The following ATM variants were observed in gnomAD, a reference collection of about 807,000 sequenced individuals.
ATM encodes the protein serine-protein kinase ATM.
In ATM, 308 loss-of-function variants were observed where a neutral mutation model predicts 387.0. That is an observed-to-expected ratio of 0.80 (90% CI 0.73 to 0.87). ATM has a LOEUF of 0.87. ATM is among the 40% of genes least tolerant of loss of function. The pLI, the probability that ATM is intolerant of heterozygous loss-of-function variation, is 0.00. For synonymous variants in ATM, 1,156 were observed against 1,187.3 expected (o/e 0.97, Z 0.54); for missense variants, 3,312 against 3,560.9 (o/e 0.93, Z 1.78).
chr11:108,292,622 T>G lies in ATM; in HGVS notation c.4440T>G (p.Pro1480=). ...TTTTTTTTTCTCCCTATATTAGGCC[T>G]TCTTGTATCATGGATGTGTCATTAC... ...YTLIHYINQR[P]SCIMDVSLRS... The change falls in exon 30 of 63, where the codon CCT becomes CCG. Residue 1480 remains proline (P), a synonymous_variant. Transcript: ENST00000675843. 6.2e-7 allele frequency: 1 copy of G among 1,613,938 alleles called. No homozygotes were observed. Among genetic ancestry groups the G allele is most frequent in the Non-Finnish European group, 8.5e-7 (1 of 1,179,910 alleles).
chr11:108,290,599 C>T (rs1044078619), intron 29 of ATM: 1 of 134,266 alleles, frequency 7.4e-6, no homozygotes. Flanking sequence ...GATTGTGCCA[C>T]TACACTCCAG....
intron 55 of ATM, chr11:108,335,389 T>A (rs950938100): frequency 1.1e-6 from 1 of 881,374 alleles, no homozygotes; most frequent in South Asian, 1.7e-5. Flanking sequence ...TGAAAAAAAA[T>A]ACTTTGGTGT....
chr11:108,273,710 C>T (rs866335375), intron 22 of ATM, among the ~76,000 whole-genome samples: 4 of 152,116 alleles, frequency 2.6e-5, no homozygotes, highest in African/African-American at 7.2e-5. Flanking sequence ...ATCAGCCTTG[C>T]GTCCCAGGGA....
At chr11:108,259,120 G>A (rs2135423174) in intron 16 of ATM, 45 bp downstream of exon 16, 1 of 1,482,990 alleles carries the variant, frequency 6.7e-7, no homozygotes, top group East Asian at 2.3e-5. Context: ...ATTCTAATAG[G>A]CATAATTTTT....
At chr11:108,339,353 T>C (rs2087225729) in intron 56 of ATM, among the ~76,000 whole-genome samples, 1 of 152,194 alleles carries the variant, frequency 6.6e-6, no homozygotes. Context: ...ATAATTTTTA[T>C]TCCTTGTCAT....
chr11:108,282,757 C>T lies in ATM; in HGVS notation c.3624C>T (p.Asp1208=), dbSNP rs2082298022. The change falls in exon 25 of 63, where the codon GAC becomes GAT. Residue 1208 remains aspartate, a synonymous_variant. Coordinates refer to ENST00000675843, the MANE Select transcript of ATM (RefSeq NM_000051.4). ...CTTTTGGATATAGACGTTTAGAAGA[C>T]TTTATGGCATCTCATTTAGATTATC... The part of the protein sequence containing the change: ...SETFGYRRLE[D]FMASHLDYLV... 1 of 1,612,964 alleles carries T rather than the reference C, an allele frequency of 6.2e-7. No homozygotes were observed. The highest frequency in any genetic ancestry group is 8.5e-7 in the Non-Finnish European group (1 of 1,179,410).
At position 108,268,900 on chromosome 11, in the gene ATM, A is replaced by G. The variant is rs189872799; in HGVS notation, c.2838+291A>G. 5.0e-3 allele frequency among the ~76,000 whole-genome samples: 761 copies of G among 152,338 alleles called. 8 individuals carry two copies. Among genetic ancestry groups the G allele is most frequent in the Non-Finnish European group, 5.4e-3 (366 of 68,020 alleles). ...AGAAACATAGACCCTGAATGTAAAAATATTACATAACATTGTGTTTGAAGT... is the reference window on the plus strand; with the variant it reads ...AGAAACATAGACCCTGAATGTAAAAGTATTACATAACATTGTGTTTGAAGT... On this transcript the variant is annotated intron_variant, in intron 18 of 62. Transcript: ENST00000675843.
rs587782226 is a variant in ATM, at chr11:108,252,903, T to C, written c.1889T>C (p.Val630Ala). 6.2e-7 allele frequency: 1 copy of C among 1,609,878 alleles called. No homozygotes were observed. Among genetic ancestry groups the C allele is most frequent in the Non-Finnish European group, 8.5e-7 (1 of 1,176,610 alleles). Residue 630 changes from valine to alanine, a missense_variant, in exon 12 of 63, where the codon GTG becomes GCG. This residue lies in a region of ATM where 1,791 missense variants were observed against 1,804.5 expected (regional missense o/e 0.99). Coordinates refer to ENST00000675843, the MANE Select transcript of ATM (RefSeq NM_000051.4). The stretch of plus-strand genomic sequence containing the variant: ...GCTGCAATGAATTTTTTCCAAAGCG[T>C]GCCAGAATGGTATGTTATCTAATAA... ...CKAAMNFFQS[V>A]PECEHHQKDK... is the part of the protein sequence containing the mutation.
chr11:108,313,208 CA>C (rs2084325151), intron 40 of ATM, among the ~76,000 whole-genome samples: 1 of 152,134 alleles, frequency 6.6e-6, no homozygotes. Context: ...TGCTCTTTCT[CA>C]GGTGCTTTAT....
Position 108,315,821 on chromosome 11 carries a change from A to AG in ATM, c.6007dup, listed in dbSNP as rs1555113505. On this transcript the variant is annotated splice_acceptor_variant, in intron 40 of 62. Coordinates refer to ENST00000675843, the MANE Select transcript of ATM (RefSeq NM_000051.4). LOFTEE classifies it high-confidence loss of function. ...CAATTTTTGTTGTTTCCATGTTTTC[A>AG]GGATCTTCTCTTAGAAATCTACAGA... The AG allele has an allele frequency of 6.2e-7, 1 of 1,609,174 alleles. No homozygotes were observed. The highest frequency in any genetic ancestry group is 8.5e-7 in the Non-Finnish European group (1 of 1,175,778).
Position 108,293,444 on chromosome 11 carries a change from C to A in ATM, c.4743C>A (p.Ile1581=). 1.9e-6 allele frequency: 3 copies of A among 1,612,556 alleles called. No homozygotes were observed. In the South Asian group the frequency reaches 3.3e-5, roughly 18 times the overall value. The stretch of plus-strand genomic sequence containing the variant: ...ATTTGCGTATTACTCAGCAAAAAAT[C>A]AAATACAGTAGAGGACCCTTTTCAC... ...FKDLRITQQK[I]KYSRGPFSLL... Residue 1581 remains isoleucine (I), a synonymous_variant, in exon 31 of 63, where the codon ATC becomes ATA. Coordinates refer to ENST00000675843, the MANE Select transcript of ATM (RefSeq NM_000051.4).
At chr11:108,356,736 A>T (rs964875575) in intron 61 of ATM, among the ~76,000 whole-genome samples, 2 of 152,062 alleles carry the variant, frequency 1.3e-5, no homozygotes, top group African/African-American at 4.8e-5. Flanking sequence ...GGGCCTCAGA[A>T]ATCTTACTAG....
intron 61 of ATM, chr11:108,355,447 G>A (rs73008264): frequency 0.01 from 1,584 of 157,082 alleles, 20 homozygotes; most frequent in Non-Finnish European, 0.015. Flanking sequence ...TCTTGATCCA[G>A]GGCAGAAAAA....
rs35962982 is a variant in ATM at position 108,293,469 on chromosome 11, C to G, written c.4768C>G (p.Leu1590Val). Residue 1590 changes from leucine to valine, a missense_variant, in exon 31 of 63, where the codon CTC becomes GTC. Coordinates refer to ENST00000675843, the MANE Select transcript of ATM (RefSeq NM_000051.4). ...KIKYSRGPFS[L>V]LEEINHFLSV... The stretch of plus-strand genomic sequence containing the variant: ...CAAATACAGTAGAGGACCCTTTTCA[C>G]TCTTGGAGGTAATAAAAATTTCATC... 6.2e-7 allele frequency: 1 copy of G among 1,610,600 alleles called. No homozygotes were observed.
intron 45 of ATM, among the ~76,000 whole-genome samples, chr11:108,324,376 A>G (rs560318641): frequency 3.2e-4 from 48 of 152,120 alleles, no homozygotes; most frequent in Non-Finnish European, 6.2e-4. Flanking sequence ...TTTATGATAT[A>G]TAGTAGATTT....
Position 108,361,485 on chromosome 11 carries a change from G to A in ATM, c.8851-3597G>A, listed in dbSNP as rs78488554. On this transcript the variant is annotated intron_variant, in intron 61 of 62. Coordinates refer to ENST00000675843, the MANE Select transcript of ATM (RefSeq NM_000051.4). ...ATGGAACCAAAAAAGAGCCCGCATCGGCAAGTCAATCCTAAGCCAAAAGAA... is the reference window on the plus strand; with the variant it reads ...ATGGAACCAAAAAAGAGCCCGCATCAGCAAGTCAATCCTAAGCCAAAAGAA... Among the ~76,000 whole-genome samples, 1,386 of 151,898 alleles carry A rather than the reference G, an allele frequency of 9.1e-3. 19 individuals carry two copies. Among genetic ancestry groups the A allele is most frequent in the African/African-American group, 0.031 (1,286 of 41,408 alleles).
At chr11:108,256,114 T>G (rs2080462730) in intron 13 of ATM, 101 bp from the exon 14 acceptor site, 1 of 1,149,030 alleles carries the variant, frequency 8.7e-7, no homozygotes, top group African/African-American at 1.6e-5. Context: ...TTAACTGAAC[T>G]TTTGTTTTTT....
chr11:108,250,662 T>C, intron 9 of ATM, 39 bp from the exon 10 acceptor site: 1 of 1,572,402 alleles, frequency 6.4e-7, no homozygotes, highest in Non-Finnish European at 8.6e-7. Context: ...GTTAATGTGA[T>C]GGAATAGTTT....
intron 44 of ATM, 24 bp downstream of exon 44, chr11:108,320,082 T>C (rs776497382): frequency 1.3e-6 from 2 of 1,512,176 alleles, no homozygotes; most frequent in East Asian, 2.3e-5. Context: ...ACAAAGTTAC[T>C]GTATTTTAAC....
Sources: gnomAD v4.1 joint callset for allele counts (sites outside exome capture counted in the v4.1 genomes callset) on GRCh38, gnomAD v4.1.1 for gene constraint, gnomAD v4.1.1 regional missense constraint, MANE v1.5 for transcripts, NCBI Gene and HGNC (gene_info 2026-07-23, HGNC 2026-07-21) for gene names.